OR2L13: variants seen among roughly 807,000 people sequenced by gnomAD.
OR2L13 encodes olfactory receptor family 2 subfamily L member 13.
A neutral mutation model predicts 15.3 loss-of-function variants in OR2L13; 14 were observed. The ratio of observed to expected loss-of-function variants is 0.91; its 90% CI spans 0.60 to 1.43. The LOEUF (loss-of-function observed/expected upper bound fraction) is 1.43. Ranked by LOEUF, OR2L13 falls within the 40% of genes most tolerant of loss-of-function variation. The pLI is 0.00. For missense variants in OR2L13, 367 were observed against 387.9 expected (o/e 0.95, Z 0.45); for synonymous variants, 152 against 142.9 (o/e 1.06, Z -0.45).
the OR2L13 span, among the ~76,000 whole-genome samples, chr1:248,052,959 GT>G: frequency 3.3e-5 from 5 of 151,490 alleles, no homozygotes; most frequent in Non-Finnish European, 7.4e-5. Flanking sequence ...TTTATTGTTT[GT>G]TTTTAAGTTC....
chr1:247,948,823 G>C, the OR2L13 span: 1 of 1,533,944 alleles, frequency 6.5e-7, no homozygotes, highest in South Asian at 1.2e-5. Context: ...AATTACTCTT[G>C]TGTCTCCCTT....
the OR2L13 span, among the ~76,000 whole-genome samples, chr1:248,069,913 T>G: frequency 2.2e-3 from 341 of 152,136 alleles, 1 homozygote; most frequent in African/African-American, 3.1e-3. Context: ...TCAATTCAAC[T>G]AGAAGAGCTA....
chr1:248,062,600 G>A, the OR2L13 span: 1 of 152,222 alleles, frequency 6.6e-6, no homozygotes, highest in South Asian at 2.1e-4. Context: ...ATAAAGTGGG[G>A]ATGGCTAATA....
chr1:248,076,317 C>G, the OR2L13 span, among the ~76,000 whole-genome samples: 3 of 152,108 alleles, frequency 2.0e-5, no homozygotes, highest in African/African-American at 7.2e-5. Flanking sequence ...TTAGGATTGT[C>G]TTGGCAATGT....
At chr1:247,946,719 C>T in the OR2L13 span, among the ~76,000 whole-genome samples, 2 of 152,076 alleles carry the variant, frequency 1.3e-5, no homozygotes, top group Non-Finnish European at 2.9e-5. Flanking sequence ...GCATGGATAG[C>T]GACCTGCTCC....
chr1:247,981,417 GT>G, the OR2L13 span, among the ~76,000 whole-genome samples: 473 of 152,180 alleles, frequency 3.1e-3, 2 homozygotes, highest in African/African-American at 0.011. Flanking sequence ...AATAATGCAG[GT>G]AACCATATGA....
At chr1:248,038,350 C>A in the OR2L13 span, 3 of 1,613,062 alleles carry the variant, frequency 1.9e-6, no homozygotes, top group Non-Finnish European at 2.5e-6. Context: ...TTCGTATTCA[C>A]CCTCATTTTT....
chr1:247,997,943 G>T, the OR2L13 span, among the ~76,000 whole-genome samples: 25 of 152,112 alleles, frequency 1.6e-4, no homozygotes, highest in Admixed American at 3.3e-4. Flanking sequence ...TCATGTGTAG[G>T]GATGATGAAT....
upstream of OR2L13, among the ~76,000 whole-genome samples, chr1:248,093,943 T>G (rs933124381): frequency 3.3e-5 from 5 of 152,092 alleles, no homozygotes; most frequent in Non-Finnish European, 7.4e-5. Context: ...GGGAATAAAC[T>G]GGAGATGATT....
chr1:247,990,342 A>G, the OR2L13 span: 4 of 1,505,606 alleles, frequency 2.7e-6, no homozygotes, highest in African/African-American at 2.8e-5. Flanking sequence ...TGGCCATTTC[A>G]TCTTCATTCT....
At chr1:248,027,002 C>G in the OR2L13 span, among the ~76,000 whole-genome samples, 6 of 152,194 alleles carry the variant, frequency 3.9e-5, no homozygotes, top group African/African-American at 1.4e-4. Context: ...ACCTTAAACT[C>G]TGGCTGCCTG....
At chr1:247,973,221 C>CA in the OR2L13 span, among the ~76,000 whole-genome samples, 2 of 152,058 alleles carry the variant, frequency 1.3e-5, no homozygotes, top group Non-Finnish European at 2.9e-5. Context: ...CATAACAAGA[C>CA]AAAAAATGCC....
the OR2L13 span, among the ~76,000 whole-genome samples, chr1:247,946,396 G>T: frequency 6.6e-6 from 1 of 152,146 alleles, no homozygotes; most frequent in African/African-American, 2.4e-5. Flanking sequence ...GTAGTGTCTT[G>T]TTCCAAATCT....
At chr1:248,070,691 G>A in the OR2L13 span, among the ~76,000 whole-genome samples, 5 of 152,010 alleles carry the variant, frequency 3.3e-5, 1 homozygote, top group Admixed American at 2.0e-4. Flanking sequence ...CCAGGAGCTG[G>A]TTTTTTGAAA....
At chr1:248,100,002 T>C (rs946611869) in exon 3 of OR2L13, 1 of 1,614,174 alleles carries the variant, frequency 6.2e-7, no homozygotes, top group Non-Finnish European at 8.5e-7. Flanking sequence ...TCCTTTTCCC[T>C]TTCATTGGCA....
At chr1:248,000,773 C>G in the OR2L13 span, among the ~76,000 whole-genome samples, 1 of 151,370 alleles carries the variant, frequency 6.6e-6, no homozygotes, top group African/African-American at 2.4e-5. Flanking sequence ...ATAACTGTTG[C>G]CAGGTGAAGT....
chr1:248,061,782 T>C, the OR2L13 span: 16 of 551,486 alleles, frequency 2.9e-5, no homozygotes, highest in African/African-American at 2.8e-4. Flanking sequence ...CATATATATG[T>C]ATATATAACT....
At chr1:248,070,866 G>A in the OR2L13 span, among the ~76,000 whole-genome samples, 3 of 152,042 alleles carry the variant, frequency 2.0e-5, no homozygotes, top group East Asian at 1.9e-4. Context: ...AAATAGACTA[G>A]AAAATCTAGA....
chr1:248,041,524 T>C, the OR2L13 span: 2 of 150,116 alleles, frequency 1.3e-5, no homozygotes, highest in African/African-American at 5.1e-5. Context: ...CTAATTAAAC[T>C]AAAGAGCTTC....
Sources: gnomAD v4.1 joint callset for allele counts (sites outside exome capture counted in the v4.1 genomes callset) on GRCh38, gnomAD v4.1.1 for gene constraint, MANE v1.5 for transcripts, NCBI Gene and HGNC (gene_info 2026-07-23, HGNC 2026-07-21) for gene names.